Variants in SNAPC1 observed in about 807,000 individuals in gnomAD.
SNAPC1 encodes the protein snRNA-activating protein complex subunit 1.
SNAPC1 carries 42 observed loss-of-function variants against 50.1 expected under a neutral mutation model. The observed-to-expected ratio is 0.84, with a 90% CI of 0.65 to 1.08. SNAPC1 has a LOEUF of 1.08. Among genes scored for constraint, SNAPC1 ranks in the 50% least tolerant of loss-of-function variants. The pLI is 0.00. For missense variants in SNAPC1, 477 were observed against 427.3 expected, an observed-to-expected ratio of 1.12 and a Z score of -1.02; for synonymous variants, 164 against 144.2, an observed-to-expected ratio of 1.14 and a Z score of -0.98.
At chr14:61,787,915 G>A (rs2045126591) in intron 8 of SNAPC1, among the ~76,000 whole-genome samples, 1 of 152,130 alleles carries the variant, frequency 6.6e-6, no homozygotes, top group Non-Finnish European at 1.5e-5. Context: ...TGATGAGCTG[G>A]CCAAGCTGCT....
rs1321552114 is a variant in SNAPC1, at chr14:61,783,070, C to T, written c.976+673C>T. Reference sequence around the variant, plus strand: ...GGAGTTTTGCTGTTGTTGCCCAGGCCGGAGTGCAATGGCACGATCTTGGCT... The same window carrying T: ...GGAGTTTTGCTGTTGTTGCCCAGGCTGGAGTGCAATGGCACGATCTTGGCT... On this transcript the variant is annotated intron_variant, in intron 8 of 9. Transcript: ENST00000216294. Among the ~76,000 whole-genome samples, 10 of 140,390 alleles carry T rather than the reference C, an allele frequency of 7.1e-5. No individual in the cohort carries two copies. The East Asian group carries it at 1.3e-3, about 18-fold the overall frequency. 92.1% of individuals were successfully genotyped at this position (140,390 alleles called of 152,430 possible). A position where few individuals can be genotyped will look rare whatever the true frequency, so the allele number is the denominator to read the frequency against.
intron 9 of SNAPC1, among the ~76,000 whole-genome samples, chr14:61,794,289 T>A (rs1396223261): frequency 1.3e-5 from 2 of 152,170 alleles, no homozygotes; most frequent in Non-Finnish European, 2.9e-5. Flanking sequence ...AGTAACTTAT[T>A]ATTAATTAGG....
Position 61,792,902 on chromosome 14 carries a change from G to C in SNAPC1, c.1072G>C (p.Glu358Gln). 1 of 1,570,720 alleles carries C rather than the reference G, an allele frequency of 6.4e-7. No individual in the cohort carries two copies. Among genetic ancestry groups the C allele is most frequent in the Non-Finnish European group, 8.7e-7 (1 of 1,150,626 alleles). The part of the protein sequence containing the change: ...EEENESLSGT[E>Q]FTASKKRRKH ...AGAGAATGAAAGTTTGAGTGGAACA[G>C]GTACAGATAAAATTTGGTCAAACTA... Residue 358 changes from glutamate to glutamine, a missense_variant and splice_region_variant, in exon 9 of 10, where the codon GAG becomes CAG. By Grantham distance (29) the Glu-to-Gln change is conservative. Transcript: ENST00000216294.
In SNAPC1 at chr14:61,767,462, CTT is replaced by C. The variant is rs973728288; in HGVS notation, c.429+113_429+114del. On this transcript the variant is annotated intron_variant, in intron 3 of 9. Transcript: ENST00000216294. ...GAATAAGTATTGATAGTGTTCAAGA[CTT>C]TTAGCTTTTTTTTTTTTTAGACAGA... 8 of 602,006 alleles carry C rather than the reference CTT, an allele frequency of 1.3e-5. No homozygotes were observed. In the African/African-American group the frequency reaches 1.5e-4, roughly 12 times the overall value. The allele number at this position is 602,006 out of a possible 1,614,324, so 37.3% of individuals were successfully genotyped here. A position where few individuals can be genotyped will look rare whatever the true frequency, so the allele number is the denominator to read the frequency against.
In SNAPC1 at chr14:61,794,655, A is replaced by G. The variant is rs138448408; in HGVS notation, c.1073-294A>G. Among the ~76,000 whole-genome samples the G allele has an allele frequency of 6.3e-3, 951 of 152,116 alleles. 4 individuals are homozygous for G. Among genetic ancestry groups the G allele is most frequent in the African/African-American group, 0.022 (903 of 41,502 alleles). ...GATCCCCTGACCTCATGATTCGCCC[A>G]CCTTAGCCTCCCAGAGTGCTGGGAT... On this transcript the variant is annotated intron_variant, in intron 9 of 9. Coordinates refer to ENST00000216294, the MANE Select transcript of SNAPC1 (RefSeq NM_003082.4).
At chr14:61,783,066 A>G (rs2045088807) in intron 8 of SNAPC1, among the ~76,000 whole-genome samples, 1 of 121,450 alleles carries the variant, frequency 8.2e-6, no homozygotes. Context: ...GTTGTTGCCC[A>G]GGCCGGAGTG....
chr14:61,785,977 A>G (rs534561296), intron 8 of SNAPC1, among the ~76,000 whole-genome samples: 30 of 152,136 alleles, frequency 2.0e-4, no homozygotes, highest in Non-Finnish European at 2.9e-4. Context: ...TTCCTCTCAC[A>G]CTGCTAAAGA....
intron 4 of SNAPC1, among the ~76,000 whole-genome samples, chr14:61,773,415 T>C (rs1319649835): frequency 6.8e-6 from 1 of 147,156 alleles, no homozygotes; most frequent in Non-Finnish European, 1.5e-5. Flanking sequence ...TTTTTTTTTT[T>C]TTTTTGAGAT....
chr14:61,768,224 A>G (rs1363875117), intron 3 of SNAPC1, among the ~76,000 whole-genome samples: 1 of 152,262 alleles, frequency 6.6e-6, no homozygotes, highest in East Asian at 1.9e-4. Flanking sequence ...TAGATTTGGC[A>G]TCTGCATTTG....
At chr14:61,767,584 C>T (rs546552837) in intron 3 of SNAPC1, among the ~76,000 whole-genome samples, 4 of 151,658 alleles carry the variant, frequency 2.6e-5, no homozygotes, top group East Asian at 1.9e-4. Context: ...CTGCCTCAGC[C>T]TTCTGAGTAG....
chr14:61,767,025 C>G lies in SNAPC1; in HGVS notation c.278C>G (p.Pro93Arg). The G allele has an allele frequency of 6.4e-7, 1 of 1,566,676 alleles. No individual in the cohort carries two copies. Among genetic ancestry groups the G allele is most frequent in the Non-Finnish European group, 8.7e-7 (1 of 1,154,192 alleles). Residue 93 changes from proline (P) to arginine (R), a missense_variant, in exon 2 of 10, where the codon CCA becomes CGA. Pro to Arg is a moderately radical substitution (Grantham distance 103). Transcript: ENST00000216294. Reference protein sequence around the residue: ...YGLYNTQLCQPKQKIRVALKD... With the variant: ...YGLYNTQLCQRKQKIRVALKD... The stretch of plus-strand genomic sequence containing the variant: ...TTATATAATACCCAACTGTGTCAAC[C>G]AAAACAAAAGGTAATACTTAGTGAG...
At chr14:61,794,396 G>A (rs1269381953) in intron 9 of SNAPC1, among the ~76,000 whole-genome samples, 1 of 151,894 alleles carries the variant, frequency 6.6e-6, no homozygotes, top group Non-Finnish European at 1.5e-5. Context: ...TTGTTGTTAT[G>A]TGTTTTTTTT....
intron 8 of SNAPC1, among the ~76,000 whole-genome samples, chr14:61,786,512 G>A (rs2045116756): frequency 1.3e-5 from 2 of 152,092 alleles, no homozygotes; most frequent in South Asian, 4.1e-4. Context: ...GAAAAGATAT[G>A]GATGGCAAAT....
At chr14:61,762,813 T>A (rs1440618795) in intron 1 of SNAPC1, among the ~76,000 whole-genome samples, 2 of 151,910 alleles carry the variant, frequency 1.3e-5, no homozygotes, top group Admixed American at 1.3e-4. Flanking sequence ...AATATGCGTC[T>A]CTGCCTGGCC....
At chr14:61,790,133 C>T (rs989948451) in intron 8 of SNAPC1, among the ~76,000 whole-genome samples, 3 of 152,144 alleles carry the variant, frequency 2.0e-5, no homozygotes, top group East Asian at 1.9e-4. Context: ...GGGGAGAATT[C>T]GCTCCAGTCC....
chr14:61,768,384 C>T (rs955928645), intron 3 of SNAPC1, among the ~76,000 whole-genome samples: 1 of 152,126 alleles, frequency 6.6e-6, no homozygotes, highest in Non-Finnish European at 1.5e-5. Flanking sequence ...AGTTCTGGTT[C>T]TGCCATTAGC....
chr14:61,762,661 A>C (rs1196937851), intron 1 of SNAPC1, 73 bp downstream of exon 1: 1 of 1,567,684 alleles, frequency 6.4e-7, no homozygotes, highest in Non-Finnish European at 8.8e-7. Context: ...CTTCCCGGCG[A>C]TATTGCACTT....
Position 61,791,231 on chromosome 14 carries a change from C to T in SNAPC1, c.977-1576C>T, listed in dbSNP as rs1178736303. ...TTCACCATGTTGGCCAGACTGGTCTCGAACTCCTGACCTTGTGATCCACCC... is the reference window on the plus strand; with the variant it reads ...TTCACCATGTTGGCCAGACTGGTCTTGAACTCCTGACCTTGTGATCCACCC... On this transcript the variant is annotated intron_variant, in intron 8 of 9. Coordinates refer to ENST00000216294, the MANE Select transcript of SNAPC1 (RefSeq NM_003082.4). Among the ~76,000 whole-genome samples the T allele has an allele frequency of 4.6e-5, 7 of 151,932 alleles. No homozygotes were observed. In the East Asian group the frequency reaches 1.2e-3, roughly 25 times the overall value.
intron 9 of SNAPC1, among the ~76,000 whole-genome samples, chr14:61,794,444 C>T (rs112432221): frequency 1.7e-4 from 26 of 152,158 alleles, no homozygotes; most frequent in Admixed American, 5.2e-4. Flanking sequence ...CTCGCTCTGT[C>T]GTCCAGGCTG....
Sources: gnomAD v4.1 joint callset for allele counts (sites outside exome capture counted in the v4.1 genomes callset) on GRCh38, gnomAD v4.1.1 for gene constraint, MANE v1.5 for transcripts, NCBI Gene and HGNC (gene_info 2026-07-23, HGNC 2026-07-21) for gene names.